Variants in CAMK2B observed in about 807,000 individuals in gnomAD.
CAMK2B encodes the protein calcium/calmodulin-dependent protein kinase type II subunit beta.
CAMK2B carries 27 observed loss-of-function variants against 93.7 expected under a neutral mutation model. That is an observed-to-expected ratio of 0.29 (90% CI 0.21 to 0.40). CAMK2B has a LOEUF of 0.40. Among genes scored for constraint, CAMK2B ranks in the 10% least tolerant of loss-of-function variants. CAMK2B has a pLI of 1.00. For synonymous variants in CAMK2B, 374 were observed against 358.8 expected (o/e 1.04, Z -0.48); for missense variants, 568 against 895.8 (o/e 0.63, Z 4.67).
rs1484592255 is a variant in CAMK2B, at chr7:44,248,264, C to T, written c.342-1072G>A. ...AGTCCAGGGCCCTTCCAGGCCATGACTGGCTGGGAGGAGAGGTCCAAGCTG... is the reference window on the plus strand; with the variant it reads ...AGTCCAGGGCCCTTCCAGGCCATGATTGGCTGGGAGGAGAGGTCCAAGCTG... On this transcript the variant is annotated intron_variant, in intron 5 of 23. Transcript: ENST00000395749. This position sits in a 1 kb window ranked among gnomAD's most constrained non-coding sequence, Gnocchi z 4.1. Among the ~76,000 whole-genome samples, 1 of 152,168 alleles carries T rather than the reference C, an allele frequency of 6.6e-6. No individual in the cohort carries two copies. Among genetic ancestry groups the T allele is most frequent in the Admixed American group, 6.5e-5 (1 of 15,290 alleles).
At chr7:44,285,038 G>A (rs1784672098) in intron 1 of CAMK2B, among the ~76,000 whole-genome samples, 1 of 152,238 alleles carries the variant, frequency 6.6e-6, no homozygotes, top group South Asian at 2.1e-4. Context: ...TCGAGAAGAG[G>A]CCATGAACGT....
intron 1 of CAMK2B, among the ~76,000 whole-genome samples, chr7:44,291,077 C>G (rs1158968510): frequency 6.6e-6 from 1 of 152,006 alleles, no homozygotes; most frequent in Non-Finnish European, 1.5e-5. Context: ...TCTCCTCTCA[C>G]TATGTCCCCC....
At position 44,286,620 on chromosome 7, in the gene CAMK2B, C is replaced by T. The variant is rs117873767; in HGVS notation, c.66-2395G>A. On this transcript the variant is annotated intron_variant, in intron 1 of 23. Transcript: ENST00000395749. The surrounding 1 kb of genome is among the most constrained non-coding windows in gnomAD (Gnocchi z 4.0). ...TGCACCATATCACCAAGAGCCTGAC[C>T]GCAGGTGGGTGGGACAAGGGCTTCC... Among the ~76,000 whole-genome samples, 2,337 of 152,330 alleles carry T rather than the reference C, an allele frequency of 0.015. 33 individuals are homozygous for T. Among genetic ancestry groups the T allele is most frequent in the Middle Eastern group, 0.041 (12 of 292 alleles).
rs549258525 is a variant in CAMK2B at position 44,244,938 on chromosome 7, C to A, written c.415-1411G>T. The stretch of plus-strand genomic sequence containing the variant: ...CTGGGGCACACGCATCCGTGTCCAC[C>A]GAGCACCAATCCACAGGCCACTGGA... On this transcript the variant is annotated intron_variant, in intron 6 of 23. Transcript: ENST00000395749. The A allele has an allele frequency of 1.3e-5, 6 of 456,262 alleles. No homozygotes were observed. The Admixed American group carries it at 1.4e-4, about 11-fold the overall frequency. The allele number at this position is 456,262 out of a possible 1,614,324, so 28.3% of individuals were successfully genotyped here.
rs367643925 is a variant in CAMK2B at position 44,240,738 on chromosome 7, G to A, written c.915C>T (p.Leu305=). The change falls in exon 12 of 24, where the codon CTC becomes CTT. Residue 305 remains leucine, a synonymous_variant. Transcript: ENST00000395749. Reference sequence around the variant, plus strand: ...AATTCCGTGTGGCCAGCATGGTGGTGAGGATGGCTCCCTGGGGAGAGACAC... The same window carrying A: ...AATTCCGTGTGGCCAGCATGGTGGTAAGGATGGCTCCCTGGGGAGAGACAC... ...NARRKLKGAI[L]TTMLATRNFS... 6.8e-6 allele frequency: 11 copies of A among 1,613,852 alleles called. No individual in the cohort carries two copies. Among genetic ancestry groups the A allele is most frequent in the Non-Finnish European group, 9.3e-6 (11 of 1,179,956 alleles).
intron 2 of CAMK2B, among the ~76,000 whole-genome samples, chr7:44,278,968 AC>A (rs2129083076): frequency 6.6e-6 from 1 of 152,330 alleles, no homozygotes; most frequent in South Asian, 2.1e-4. Context: ...CAGGGATGCT[AC>A]CCAGGAGCAG....
chr7:44,260,469 C>T (rs2096870917), intron 3 of CAMK2B, among the ~76,000 whole-genome samples: 2 of 152,320 alleles, frequency 1.3e-5, no homozygotes, highest in African/African-American at 4.8e-5. Flanking sequence ...TCCACAGAAT[C>T]AGAAAATATA....
At chr7:44,219,647 A>C (rs2096373422) in intron 23 of CAMK2B, 125 bp from the exon 24 acceptor site, 1 of 199,222 alleles carries the variant, frequency 5.0e-6, no homozygotes, top group Non-Finnish European at 1.0e-5. Context: ...CTCGGGAGAG[A>C]GGTTCAAGGT....
chr7:44,284,283 A>C (rs1408561114), intron 1 of CAMK2B, 58 bp from the exon 2 acceptor site: 3 of 1,260,798 alleles, frequency 2.4e-6, no homozygotes, highest in Non-Finnish European at 3.4e-6. Context: ...GGAGAAAGAG[A>C]GAGAGCCGAT....
In CAMK2B at chr7:44,224,787, G is replaced by A. The variant is rs772383309; in HGVS notation, c.1597+1729C>T. 6.6e-6 allele frequency among the ~76,000 whole-genome samples: 1 copy of A among 151,938 alleles called. No individual in the cohort carries two copies. The highest frequency in any genetic ancestry group is 2.4e-5 in the African/African-American group (1 of 41,256). On this transcript the variant is annotated intron_variant, in intron 20 of 23. Transcript: ENST00000395749. This position sits in a 1 kb window ranked among gnomAD's most constrained non-coding sequence, Gnocchi z 4.4. ...GTGGGGAGGAGACGGGGCCTGAGGC[G>A]GGCCGTGGGCACCTGCCCTATTTAC...
At chr7:44,306,213 C>T (rs574322350) in intron 1 of CAMK2B, among the ~76,000 whole-genome samples, 9 of 152,202 alleles carry the variant, frequency 5.9e-5, no homozygotes, top group East Asian at 1.9e-4. Flanking sequence ...CTGAAAGCCA[C>T]GGTGGGCTGG....
intron 1 of CAMK2B, among the ~76,000 whole-genome samples, chr7:44,288,450 C>T (rs1360778730): frequency 6.6e-6 from 1 of 152,190 alleles, no homozygotes; most frequent in African/African-American, 2.4e-5. Flanking sequence ...GGTGCTCCTA[C>T]GGGATCCCAG....
chr7:44,226,744 G>C, intron 19 of CAMK2B, 100 bp from the exon 20 acceptor site: 1 of 823,668 alleles, frequency 1.2e-6, no homozygotes, highest in Non-Finnish European at 1.7e-6. Context: ...GAGGGGCACA[G>C]AGGCAGATGT....
intron 2 of CAMK2B, among the ~76,000 whole-genome samples, chr7:44,267,374 T>A (rs940536788): frequency 7.2e-5 from 11 of 152,238 alleles, no homozygotes; most frequent in African/African-American, 2.6e-4. Flanking sequence ...GATGCTTCAG[T>A]GGGGTTTTAG....
At chr7:44,277,261 C>T (rs1311761038) in intron 2 of CAMK2B, among the ~76,000 whole-genome samples, 1 of 152,180 alleles carries the variant, frequency 6.6e-6, no homozygotes, top group Admixed American at 6.5e-5. Flanking sequence ...AATTAATTTC[C>T]TCTAACTGCT....
At position 44,247,248 on chromosome 7, in the gene CAMK2B, G is replaced by A. The variant is rs2096740225; in HGVS notation, c.342-56C>T. On this transcript the variant is annotated intron_variant, in intron 5 of 23. Coordinates refer to ENST00000395749, the MANE Select transcript of CAMK2B (RefSeq NM_001220.5). ...GTGGCCCTGGGGAGCAGCAAGAGGA[G>A]GCACTGGGGGCAGGGGCAATGGTGC... The A allele has an allele frequency of 2.1e-6, 3 of 1,436,680 alleles. No homozygotes were observed. The Middle Eastern group carries it at 5.2e-4, about 251-fold the overall frequency. The allele number at this position is 1,436,680 out of a possible 1,614,324, so 89.0% of individuals were successfully genotyped here. A position where few individuals can be genotyped will look rare whatever the true frequency, so the allele number is the denominator to read the frequency against.
intron 1 of CAMK2B, chr7:44,323,698 C>T (rs1427990639): frequency 1.3e-5 from 2 of 154,950 alleles, no homozygotes; most frequent in African/African-American, 4.8e-5. Flanking sequence ...CTGTGAGGGC[C>T]TCTGTGCTTC....
At chr7:44,305,522 C>A (rs570759470) in intron 1 of CAMK2B, among the ~76,000 whole-genome samples, 1 of 152,336 alleles carries the variant, frequency 6.6e-6, no homozygotes, top group Non-Finnish European at 1.5e-5. Context: ...CCCAAGCCCC[C>A]CAATCAACCT....
At chr7:44,263,157 C>G (rs1364234180) in intron 2 of CAMK2B, 93 bp from the exon 3 acceptor site, 8 of 1,217,996 alleles carry the variant, frequency 6.6e-6, no homozygotes, top group Non-Finnish European at 9.4e-6. Context: ...AAGGGTGTGC[C>G]AGGGCCTCTG....
Sources: allele counts gnomAD v4.1 joint callset (sites outside exome capture counted in the v4.1 genomes callset), GRCh38; gene constraint gnomAD v4.1.1; non-coding constraint Gnocchi (gnomAD v3.1); transcripts MANE v1.5; gene names NCBI Gene and HGNC (gene_info 2026-07-23, HGNC 2026-07-21).